The following RPS6KA5 variants were observed in gnomAD, a reference collection of about 807,000 sequenced individuals.
The protein encoded by RPS6KA5 is ribosomal protein S6 kinase alpha-5.
RPS6KA5 carries 27 observed loss-of-function variants against 85.5 expected under a neutral mutation model. The observed-to-expected ratio is 0.32, with a 90% confidence interval of 0.23 to 0.44. RPS6KA5 has a LOEUF of 0.44. RPS6KA5 is among the 20% of genes least tolerant of loss of function. RPS6KA5 has a pLI of 1.00. For missense variants in RPS6KA5, 811 were observed against 980.9 expected (o/e 0.83, Z 2.31); for synonymous variants, 334 against 348.2 (o/e 0.96, Z 0.46).
intron 1 of RPS6KA5, among the ~76,000 whole-genome samples, chr14:91,039,304 GT>G (rs2042516236): frequency 6.6e-6 from 1 of 152,136 alleles, no homozygotes; most frequent in South Asian, 2.1e-4. Context: ...TAGAACCATG[GT>G]AGATAATAAA....
chr14:90,991,902 G>A (rs532404383), intron 2 of RPS6KA5, among the ~76,000 whole-genome samples: 14 of 152,158 alleles, frequency 9.2e-5, no homozygotes, highest in Admixed American at 2.0e-4. Context: ...ATGTATTTAA[G>A]TGTCAAAAAG....
chr14:90,996,197 T>G (rs1444936938), intron 2 of RPS6KA5, among the ~76,000 whole-genome samples: 1 of 151,800 alleles, frequency 6.6e-6, no homozygotes, highest in Non-Finnish European at 1.5e-5. Context: ...TTTTTTGTTT[T>G]TTTTTTTGTT....
chr14:91,032,905 G>T (rs796838258), intron 1 of RPS6KA5, among the ~76,000 whole-genome samples: 20 of 152,274 alleles, frequency 1.3e-4, no homozygotes, highest in African/African-American at 4.8e-4. Flanking sequence ...TGGGCGAGGT[G>T]GCTCACACCT....
chr14:90,968,599 G>C (rs942867284), intron 3 of RPS6KA5, among the ~76,000 whole-genome samples: 1 of 151,988 alleles, frequency 6.6e-6, no homozygotes, highest in Non-Finnish European at 1.5e-5. Flanking sequence ...ATAACCTCTT[G>C]TTACTAGAGT....
At chr14:90,992,119 T>A (rs1214773128) in intron 2 of RPS6KA5, among the ~76,000 whole-genome samples, 1 of 152,194 alleles carries the variant, frequency 6.6e-6, no homozygotes, top group Non-Finnish European at 1.5e-5. Flanking sequence ...AAAAAGGTAA[T>A]GAAACTGAAA....
chr14:90,937,426 T>C (rs2037320820), intron 5 of RPS6KA5, among the ~76,000 whole-genome samples: 1 of 152,084 alleles, frequency 6.6e-6, no homozygotes, highest in Admixed American at 6.6e-5. Context: ...CCTTTTTATT[T>C]ATCAGTCCAT....
chr14:91,039,337 A>G (rs1026254010), intron 1 of RPS6KA5, among the ~76,000 whole-genome samples: 3 of 152,170 alleles, frequency 2.0e-5, no homozygotes, highest in African/African-American at 7.2e-5. Flanking sequence ...GGATTCATGA[A>G]AGCGATTTGG....
chr14:90,992,095 A>G (rs2040333935), intron 2 of RPS6KA5, among the ~76,000 whole-genome samples: 1 of 152,176 alleles, frequency 6.6e-6, no homozygotes. Context: ...GTAGTGCTGA[A>G]AAAAATTTAT....
At chr14:91,038,294 T>G (rs1365763523) in intron 1 of RPS6KA5, among the ~76,000 whole-genome samples, 1 of 152,214 alleles carries the variant, frequency 6.6e-6, no homozygotes, top group Admixed American at 6.5e-5. Context: ...AGGACCACTA[T>G]GAATTATACA....
rs561783050 is a variant in RPS6KA5 at position 90,864,407 on chromosome 14, T to G, written c.*7667A>C. ...CACCTGGCTTGGCCTCCCAAAGCAC[T>G]AGGATTACAGGCATGAGCCACCTCA... On this transcript the variant is annotated 3_prime_UTR_variant, in exon 17 of 17. Coordinates refer to ENST00000614987, the MANE Select transcript of RPS6KA5 (RefSeq NM_004755.4). 1.3e-5 allele frequency: 2 copies of G among 152,252 alleles called. No homozygotes were observed. Among genetic ancestry groups the G allele is most frequent in the African/African-American group, 4.8e-5 (2 of 41,462 alleles). 9.4% of individuals were successfully genotyped at this position (152,252 alleles called of 1,614,324 possible). A position where few individuals can be genotyped will look rare whatever the true frequency, so the allele number is the denominator to read the frequency against.
chr14:90,930,680 A>G lies in RPS6KA5; in HGVS notation c.619-7484T>C, dbSNP rs145564989. Among the ~76,000 whole-genome samples the G allele has an allele frequency of 1.4e-3, 218 of 152,316 alleles. 1 individual carries two copies. The highest frequency in any genetic ancestry group is 2.9e-3 in the Non-Finnish European group (195 of 68,024). On this transcript the variant is annotated intron_variant, in intron 5 of 16. Coordinates refer to ENST00000614987, the MANE Select transcript of RPS6KA5 (RefSeq NM_004755.4). ...CTAGAATATATAAAGAACTCCTAAA[A>G]ACAACAAAACCCACAAATAACCTGA...
At chr14:90,908,719 T>C (rs2035644757) in intron 7 of RPS6KA5, among the ~76,000 whole-genome samples, 1 of 152,174 alleles carries the variant, frequency 6.6e-6, no homozygotes, top group Non-Finnish European at 1.5e-5. Flanking sequence ...ACCATACTCT[T>C]GAAATGTACT....
In RPS6KA5 at chr14:90,851,944, GAACA is replaced by G. The variant is rs1433224590; in HGVS notation, c.*20126_*20129del. 2 of 151,566 alleles carry G rather than the reference GAACA, an allele frequency of 1.3e-5. No homozygotes were observed. The highest frequency in any genetic ancestry group is 2.9e-5 in the Non-Finnish European group (2 of 67,894). 9.4% of individuals were successfully genotyped at this position (151,566 alleles called of 1,614,324 possible). On this transcript the variant is annotated 3_prime_UTR_variant, in exon 17 of 17. Transcript: ENST00000614987. ...CCCAATCATCTCACAGCGTTTATTT[GAACA>G]AAAAAGACAGAATTTAATATATTCG...
At chr14:91,055,995 C>G (rs1428605166) in intron 1 of RPS6KA5, among the ~76,000 whole-genome samples, 1 of 152,164 alleles carries the variant, frequency 6.6e-6, no homozygotes, top group Non-Finnish European at 1.5e-5. Context: ...CTGGCCAACA[C>G]CTTGACTTCA....
chr14:90,987,512 A>T lies in RPS6KA5; in HGVS notation c.176-8988T>A, dbSNP rs532480705. 1.5e-3 allele frequency among the ~76,000 whole-genome samples: 223 copies of T among 152,344 alleles called. 2 individuals are homozygous for T. The highest frequency in any genetic ancestry group is 9.9e-3 in the South Asian group (48 of 4,834). On this transcript the variant is annotated intron_variant, in intron 2 of 16. Coordinates refer to ENST00000614987, the MANE Select transcript of RPS6KA5 (RefSeq NM_004755.4). ...TAGTAAAAAAAAGATTGGAGGGAAA[A>T]AAAGCTATCTTATCAGGAATATTCA...
chr14:91,057,114 C>T (rs573042602), intron 1 of RPS6KA5, among the ~76,000 whole-genome samples: 7 of 151,514 alleles, frequency 4.6e-5, no homozygotes, highest in African/African-American at 7.3e-5. Flanking sequence ...CTCTTGACCT[C>T]GTGATCCACC....
chr14:90,974,057 A>AAAAAAAG (rs2039450110), intron 3 of RPS6KA5, among the ~76,000 whole-genome samples: 1 of 151,366 alleles, frequency 6.6e-6, no homozygotes, highest in African/African-American at 2.4e-5. Context: ...AAAAAAAAAA[A>AAAAAAAG]AATAGTGTCC....
chr14:90,973,162 T>A (rs1033958333), intron 3 of RPS6KA5, among the ~76,000 whole-genome samples: 1 of 152,124 alleles, frequency 6.6e-6, no homozygotes, highest in African/African-American at 2.4e-5. Flanking sequence ...CAAAAAAGGA[T>A]GGGTGTGGTG....
chr14:91,047,047 C>CA (rs34036525), intron 1 of RPS6KA5, among the ~76,000 whole-genome samples: 154 of 100,322 alleles, frequency 1.5e-3, no homozygotes, highest in Admixed American at 4.2e-3. Context: ...ACCCTGTCTC[C>CA]AAAAAAAAAA....
Sources: allele counts gnomAD v4.1 joint callset (sites outside exome capture counted in the v4.1 genomes callset), GRCh38; gene constraint gnomAD v4.1.1; transcripts MANE v1.5; gene names NCBI Gene and HGNC (gene_info 2026-07-23, HGNC 2026-07-21).